JAK2: variants seen among roughly 807,000 people sequenced by gnomAD.
The protein encoded by JAK2 is tyrosine-protein kinase JAK2.
A neutral mutation model predicts 139.3 loss-of-function variants in JAK2; 86 were observed. The ratio of observed to expected loss-of-function variants is 0.62; its 90% CI spans 0.52 to 0.74. The LOEUF is 0.74. Among genes scored for constraint, JAK2 ranks in the 30% least tolerant of loss-of-function variants. The pLI, the probability that JAK2 is intolerant of heterozygous loss-of-function variation, is 0.00. For missense variants in JAK2, 1,421 were observed against 1,360.3 expected (o/e 1.04, Z -0.70); for synonymous variants, 490 against 437.7 (o/e 1.12, Z -1.49).
At chr9:5,011,004 G>A (rs77415099) in intron 2 of JAK2, among the ~76,000 whole-genome samples, 1,584 of 152,168 alleles carry the variant, frequency 0.01, 67 homozygotes, top group East Asian at 0.096. Flanking sequence ...TCTATTTCTT[G>A]TCTTGGTTCT....
At chr9:5,029,452 A>T (rs1265176693) in intron 3 of JAK2, among the ~76,000 whole-genome samples, 2 of 152,244 alleles carry the variant, frequency 1.3e-5, no homozygotes, top group East Asian at 3.8e-4. Context: ...ACATAGGGAC[A>T]CAAAGTGAGC....
rs1400713508 is a variant in JAK2, at chr9:5,129,822, C to A, written c.*3031C>A. ...AAATTCATGTATGTATATCATATAG[C>A]CTTTAACTTTTTACATTAATCAGAT... On this transcript the variant is annotated 3_prime_UTR_variant, in exon 25 of 25. Transcript: ENST00000381652. Among the ~76,000 whole-genome samples the A allele has an allele frequency of 1.3e-5, 2 of 152,036 alleles. No homozygotes were observed. The highest frequency in any genetic ancestry group is 4.8e-5 in the African/African-American group (2 of 41,406).
At chr9:5,029,640 G>T (rs1046946841) in intron 3 of JAK2, 143 bp from the exon 4 acceptor site, 26 of 611,324 alleles carry the variant, frequency 4.3e-5, no homozygotes, top group South Asian at 2.1e-4. Context: ...TGTAGGGGTT[G>T]GTATATCAAA....
At chr9:5,006,149 T>A (rs908475491) in intron 2 of JAK2, among the ~76,000 whole-genome samples, 10 of 152,188 alleles carry the variant, frequency 6.6e-5, no homozygotes, top group Non-Finnish European at 1.2e-4. Flanking sequence ...TTCCATTTGT[T>A]TGTATCCTCT....
intron 4 of JAK2, chr9:5,041,707 C>CTT (rs1256677514): frequency 4.0e-6 from 2 of 505,044 alleles, no homozygotes; most frequent in African/African-American, 3.9e-5. Flanking sequence ...GTGTTCGACT[C>CTT]TGAGTACGAG....
At chr9:5,069,265 T>G (rs1438211491) in intron 11 of JAK2, 57 bp downstream of exon 11, 3 of 1,171,404 alleles carry the variant, frequency 2.6e-6, no homozygotes, top group African/African-American at 3.1e-5. Flanking sequence ...TTATGTGGCG[T>G]GAAGTATCTT....
rs10974940 is a variant in JAK2 at position 5,057,584 on chromosome 9, T to C, written c.1056+1796T>C. Among the ~76,000 whole-genome samples, 581 of 65,728 alleles carry C rather than the reference T, an allele frequency of 8.8e-3. 1 individual carries two copies. The highest frequency in any genetic ancestry group is 0.012 in the Non-Finnish European group (429 of 36,510). The allele number at this position is 65,728 out of a possible 152,430, so 43.1% of individuals were successfully genotyped here. On this transcript the variant is annotated intron_variant, in intron 8 of 24. Coordinates refer to ENST00000381652, the MANE Select transcript of JAK2 (RefSeq NM_004972.4). ...TTGCAACCAGCATTCTACTTTCTTTTTTTTTTTTTTTTTTTTTGAGATGAG... is the reference window on the plus strand; with the variant it reads ...TTGCAACCAGCATTCTACTTTCTTTCTTTTTTTTTTTTTTTTTGAGATGAG...
intron 4 of JAK2, among the ~76,000 whole-genome samples, chr9:5,038,361 A>C (rs570853509): frequency 6.6e-6 from 1 of 152,318 alleles, no homozygotes; most frequent in East Asian, 1.9e-4. Context: ...ACATTAAAAA[A>C]ATTATTACTA....
At chr9:5,007,900 G>C (rs1233428391) in intron 2 of JAK2, among the ~76,000 whole-genome samples, 1 of 151,676 alleles carries the variant, frequency 6.6e-6, no homozygotes, top group African/African-American at 2.4e-5. Flanking sequence ...GCTAATTTTT[G>C]TGTTTTCACT....
Position 5,090,515 on chromosome 9 carries a change from A to T in JAK2, c.2831A>T (p.His944Leu), listed in dbSNP as rs2130680430. The T allele has an allele frequency of 5.6e-6, 9 of 1,595,396 alleles. No individual in the cohort carries two copies. Among genetic ancestry groups the T allele is most frequent in the Non-Finnish European group, 6.8e-6 (8 of 1,170,460 alleles). The part of the protein sequence containing the change: ...YGSLRDYLQK[H>L]KERIDHIKLL... Reference sequence around the variant, plus strand: ...AGTTTACGAGACTATCTTCAAAAACATAAAGAACGGATAGATCACATAAAA... The same window carrying T: ...AGTTTACGAGACTATCTTCAAAAACTTAAAGAACGGATAGATCACATAAAA... The change falls in exon 21 of 25, where the codon CAT (histidine) becomes CTT (leucine). Residue 944 changes from histidine (H) to leucine (L), a missense_variant. By Grantham distance (99) the His-to-Leu change is moderately conservative. Transcript: ENST00000381652.
chr9:5,099,648 T>A (rs188944063), intron 22 of JAK2: 1 of 152,204 alleles, frequency 6.6e-6, no homozygotes, highest in Admixed American at 6.5e-5. Context: ...TCCCACTGTT[T>A]CCAACCTCTA....
intron 7 of JAK2, among the ~76,000 whole-genome samples, 153 bp from the exon 8 acceptor site, chr9:5,055,516 T>C (rs888568456): frequency 1.3e-5 from 2 of 152,032 alleles, no homozygotes; most frequent in East Asian, 1.9e-4. Flanking sequence ...TAGGGTTAGA[T>C]TGATAGAGTA....
chr9:5,104,194 A>G (rs916749815), intron 22 of JAK2, among the ~76,000 whole-genome samples: 2 of 152,184 alleles, frequency 1.3e-5, no homozygotes, highest in African/African-American at 4.8e-5. Flanking sequence ...AAAAGAGAGA[A>G]GAATCAAATA....
At chr9:5,056,342 C>T (rs767441917) in intron 8 of JAK2, among the ~76,000 whole-genome samples, 1 of 151,902 alleles carries the variant, frequency 6.6e-6, no homozygotes, top group East Asian at 1.9e-4. Flanking sequence ...TTATTTTATA[C>T]TTTGCTCTTA....
chr9:4,991,989 A>G (rs1025059417), intron 2 of JAK2, among the ~76,000 whole-genome samples: 2 of 152,162 alleles, frequency 1.3e-5, no homozygotes, highest in Non-Finnish European at 2.9e-5. Context: ...GTGATTTAAA[A>G]CAACTACTTT....
chr9:5,030,586 A>G (rs971946920), intron 4 of JAK2, among the ~76,000 whole-genome samples: 2 of 152,160 alleles, frequency 1.3e-5, no homozygotes, highest in African/African-American at 4.8e-5. Context: ...AAATTTATTC[A>G]TGGTCACACA....
intron 3 of JAK2, among the ~76,000 whole-genome samples, chr9:5,027,178 C>T (rs1438323023): frequency 6.6e-6 from 1 of 152,100 alleles, no homozygotes; most frequent in Non-Finnish European, 1.5e-5. Context: ...TTGAAAGAGT[C>T]TCAGCAGTTA....
chr9:5,010,308 G>A (rs1821609442), intron 2 of JAK2, among the ~76,000 whole-genome samples: 1 of 151,132 alleles, frequency 6.6e-6, no homozygotes, highest in African/African-American at 2.4e-5. Flanking sequence ...TATTATTCAT[G>A]CTTTAAACAA....
chr9:5,123,645 C>G (rs959069235), intron 23 of JAK2, among the ~76,000 whole-genome samples: 8 of 151,830 alleles, frequency 5.3e-5, no homozygotes, highest in African/African-American at 1.9e-4. Flanking sequence ...ACAGTGATTT[C>G]TTGTCCTTTA....
Sources: allele counts gnomAD v4.1 joint callset (sites outside exome capture counted in the v4.1 genomes callset), GRCh38; gene constraint gnomAD v4.1.1; transcripts MANE v1.5; gene names NCBI Gene and HGNC (gene_info 2026-07-23, HGNC 2026-07-21).